The following FBXW10 variants were observed in gnomAD, a reference collection of about 807,000 sequenced individuals.
FBXW10 encodes F-box/WD repeat-containing protein 10.
Under a neutral mutation model 113.1 loss-of-function variants are expected in FBXW10, and 68 were observed. The ratio of observed to expected loss-of-function variants is 0.60; its 90% confidence interval spans 0.49 to 0.74. The LOEUF (loss-of-function observed/expected upper bound fraction) is 0.74. Among genes scored for constraint, FBXW10 ranks in the 30% least tolerant of loss-of-function variants. FBXW10 has a pLI of 0.00. For synonymous variants in FBXW10, 289 were observed against 481.6 expected (o/e 0.60, Z 5.24); for missense variants, 753 against 1,284.5 (o/e 0.59, Z 6.32).
At chr17:18,772,368 C>T (rs763084743) in intron 11 of FBXW10, 44 bp from the exon 12 acceptor site, 2 of 1,579,358 alleles carry the variant, frequency 1.3e-6, no homozygotes, top group Admixed American at 3.5e-5. Context: ...CTTTCGGTGG[C>T]CTCCACAGTC....
In FBXW10 at chr17:18,749,768, G is replaced by C. The variant is rs772848370; in HGVS notation, c.717G>C (p.Arg239Ser). Residue 239 changes from arginine (R) to serine (S), a missense_variant, in exon 3 of 14, where the codon AGG becomes AGC. Arg to Ser is a moderately radical substitution (Grantham distance 110, BLOSUM62 -1). Transcript: ENST00000395665. ...TCCGGTGTATATCCGAAATGAATAG[G>C]CTGTTTTCTGGAAAAGGAGACATAA... ...NSLRCISEMN[R>S]LFSGKGDITK... is the part of the protein sequence containing the mutation. The C allele has an allele frequency of 8.1e-6, 13 of 1,614,048 alleles. No homozygotes were observed. The African/African-American group carries it at 1.7e-4, about 22-fold the overall frequency.
At chr17:18,768,053 T>TCCTTC (rs1472688725) in intron 9 of FBXW10, among the ~76,000 whole-genome samples, 1 of 147,378 alleles carries the variant, frequency 6.8e-6, no homozygotes, top group Non-Finnish European at 1.5e-5. Flanking sequence ...CTTCCTTCCT[T>TCCTTC]CTTTCTTTCT....
At chr17:18,768,331 G>A (rs932904958) in intron 9 of FBXW10, among the ~76,000 whole-genome samples, 5 of 152,242 alleles carry the variant, frequency 3.3e-5, no homozygotes, top group Non-Finnish European at 7.3e-5. Flanking sequence ...CTCCCAAAGT[G>A]CTAGGATTAC....
chr17:18,775,505 A>C (rs1224304192), intron 13 of FBXW10, among the ~76,000 whole-genome samples: 1 of 152,074 alleles, frequency 6.6e-6, no homozygotes, highest in African/African-American at 2.4e-5. Flanking sequence ...TTGCGTTTCC[A>C]GTTTTTGGCT....
At chr17:18,758,665 G>A in intron 7 of FBXW10, among the ~76,000 whole-genome samples, 160 bp downstream of exon 7, 1 of 118,978 alleles carries the variant, frequency 8.4e-6, no homozygotes. Flanking sequence ...GAAAAAGTCA[G>A]GAATGTATAT....
At chr17:18,767,370 C>T (rs1045126397) in intron 9 of FBXW10, among the ~76,000 whole-genome samples, 2 of 150,040 alleles carry the variant, frequency 1.3e-5, no homozygotes, top group African/African-American at 4.9e-5. Flanking sequence ...ACCTCAGCTA[C>T]TTGGGAGGCT....
At position 18,753,906 on chromosome 17, in the gene FBXW10, G is replaced by A. The variant is rs113487778; in HGVS notation, c.1123-2139G>A. ...AAAAAAAAGAAAGAGAGAGAAAAGGGAGAGAAGCAGAGAAGCAGGTGAAAC... is the reference window on the plus strand; with the variant it reads ...AAAAAAAAGAAAGAGAGAGAAAAGGAAGAGAAGCAGAGAAGCAGGTGAAAC... On this transcript the variant is annotated intron_variant, in intron 5 of 13. Coordinates refer to ENST00000395665, the MANE Select transcript of FBXW10 (RefSeq NM_001267585.2). Among the ~76,000 whole-genome samples, 1,014 of 152,180 alleles carry A rather than the reference G, an allele frequency of 6.7e-3. 4 individuals carry two copies. Among genetic ancestry groups the A allele is most frequent in the Admixed American group, 0.013 (193 of 15,264 alleles).
intron 2 of FBXW10, among the ~76,000 whole-genome samples, chr17:18,749,501 C>T (rs1189607849): frequency 6.6e-6 from 1 of 151,990 alleles, no homozygotes; most frequent in East Asian, 1.9e-4. Flanking sequence ...GAGCCGAGAT[C>T]GCGCCACTAC....
At chr17:18,768,501 C>CT (rs1362241548) in intron 9 of FBXW10, 33 bp from the exon 10 acceptor site, 1 of 1,610,722 alleles carries the variant, frequency 6.2e-7, no homozygotes, top group Non-Finnish European at 8.5e-7. Context: ...GAGTCACAGT[C>CT]TGAGTTGAAG....
At chr17:18,749,546 CAA>C (rs11336827) in intron 2 of FBXW10, among the ~76,000 whole-genome samples, 174 bp from the exon 3 acceptor site, 9 of 147,810 alleles carry the variant, frequency 6.1e-5, no homozygotes, top group African/African-American at 4.9e-5. Flanking sequence ...GACTCCGTCT[CAA>C]AAAAAAAAAG....
chr17:18,769,702 G>A (rs994285082), intron 10 of FBXW10: 13 of 513,744 alleles, frequency 2.5e-5, no homozygotes, highest in African/African-American at 5.8e-5. Context: ...GCTTGTATCT[G>A]GTAGGTGGGG....
intron 10 of FBXW10, 27 bp from the exon 11 acceptor site, chr17:18,769,900 A>G (rs2035577421): frequency 1.2e-6 from 2 of 1,611,764 alleles, no homozygotes; most frequent in Non-Finnish European, 8.5e-7. Context: ...GAGGATGGGT[A>G]CTGCCTGCTA....
intron 8 of FBXW10, 69 bp from the exon 9 acceptor site, chr17:18,766,645 C>A: frequency 6.5e-7 from 1 of 1,538,570 alleles, no homozygotes; most frequent in Non-Finnish European, 8.9e-7. Context: ...GAGCAGAACT[C>A]CACTGTAACC....
chr17:18,777,605 G>A (rs1291795892), intron 13 of FBXW10, among the ~76,000 whole-genome samples: 1 of 150,070 alleles, frequency 6.7e-6, no homozygotes. Flanking sequence ...GTGCAGTGGC[G>A]CGATCTTGGC....
At chr17:18,759,226 T>C (rs2035332503) in intron 7 of FBXW10, among the ~76,000 whole-genome samples, 1 of 152,114 alleles carries the variant, frequency 6.6e-6, no homozygotes, top group African/African-American at 2.4e-5. Context: ...ATGCATCCAT[T>C]ACTCAGGCCA....
chr17:18,770,140 T>C lies in FBXW10; in HGVS notation c.2006+55T>C. On this transcript the variant is annotated intron_variant, in intron 11 of 13. Transcript: ENST00000395665. The stretch of plus-strand genomic sequence containing the variant: ...TGAGTGATTCTGTTGGATTTTTTGA[T>C]TTTTTTCCTCCCCTGGGATACCAGC... The C allele has an allele frequency of 1.9e-6, 3 of 1,607,812 alleles. No homozygotes were observed. The South Asian group carries it at 3.3e-5, about 18-fold the overall frequency.
rs767042398 is a variant in FBXW10, at chr17:18,768,569, G to A, written c.1740G>A (p.Leu580=). The change falls in exon 10 of 14, where the codon CTG becomes CTA. Residue 580 remains leucine (L), a synonymous_variant. Coordinates refer to ENST00000395665, the MANE Select transcript of FBXW10 (RefSeq NM_001267585.2). ...LSGHEGAVKC[L]FFDQWHLLSG... Reference sequence around the variant, plus strand: ...GCCATGAGGGAGCCGTGAAATGCCTGTTCTTTGACCAGTGGCATCTCCTCT... The same window carrying A: ...GCCATGAGGGAGCCGTGAAATGCCTATTCTTTGACCAGTGGCATCTCCTCT... 4 of 1,614,102 alleles carry A rather than the reference G, an allele frequency of 2.5e-6. No individual in the cohort carries two copies. Among genetic ancestry groups the A allele is most frequent in the South Asian group, 2.2e-5 (2 of 91,074 alleles).
rs1288370721 is a variant in FBXW10 at position 18,744,522 on chromosome 17, A to T, written c.278A>T (p.Asn93Ile). The T allele has an allele frequency of 1.9e-6, 3 of 1,613,964 alleles. No homozygotes were observed. The Admixed American group carries it at 5.0e-5, about 27-fold the overall frequency. Reference sequence around the variant, plus strand: ...TTCATCTATAACAGGTCCCGGATCAACCTCAGCAAGAAAGAGGGGAAAGTT... The same window carrying T: ...TTCATCTATAACAGGTCCCGGATCATCCTCAGCAAGAAAGAGGGGAAAGTT... ...KDFIYNRSRI[N>I]LSKKEGKVVK... Residue 93 changes from asparagine to isoleucine, a missense_variant, in exon 1 of 14, where the codon AAC becomes ATC. Coordinates refer to ENST00000395665, the MANE Select transcript of FBXW10 (RefSeq NM_001267585.2).
intron 5 of FBXW10, 122 bp downstream of exon 5, chr17:18,751,175 T>C: frequency 7.6e-7 from 1 of 1,320,810 alleles, no homozygotes; most frequent in Non-Finnish European, 1.0e-6. Flanking sequence ...TGACACTCCT[T>C]AAGGAAGACG....
Sources: gnomAD v4.1 joint callset for allele counts (sites outside exome capture counted in the v4.1 genomes callset) on GRCh38, gnomAD v4.1.1 for gene constraint, MANE v1.5 for transcripts, NCBI Gene and HGNC (gene_info 2026-07-23, HGNC 2026-07-21) for gene names.